The following GTF2E1 variants were observed in gnomAD, a reference collection of about 807,000 sequenced individuals.
GTF2E1 encodes the protein general transcription factor IIE subunit 1, also known as TFIIE alpha subunit.
In GTF2E1, 14 loss-of-function variants were observed where a neutral mutation model predicts 34.9. The ratio of observed to expected loss-of-function variants is 0.40; its 90% confidence interval spans 0.27 to 0.63. The LOEUF is 0.63. Ranked by LOEUF, GTF2E1 falls within the 20% of genes least tolerant of loss-of-function variation. GTF2E1 has a pLI of 0.39. For missense variants in GTF2E1, 469 were observed against 557.7 expected (o/e 0.84, Z 1.60); for synonymous variants, 188 against 192.9 (o/e 0.97, Z 0.21).
At chr3:120,749,465 A>G (rs1373188960) in intron 1 of GTF2E1, among the ~76,000 whole-genome samples, 7 of 151,998 alleles carry the variant, frequency 4.6e-5, no homozygotes, top group Admixed American at 6.6e-5. Flanking sequence ...TAGCATGAAG[A>G]GTTGTTGAAT....
At position 120,782,079 on chromosome 3, in the gene GTF2E1, C is replaced by T. The variant is rs1176523199; in HGVS notation, c.*609C>T. ...GTTCATAAGGTAAATCCTTCCCATC[C>T]ATCTGTTTACTACAATAGGTTACAA... On this transcript the variant is annotated 3_prime_UTR_variant, in exon 5 of 5. Transcript: ENST00000283875. 1 of 152,648 alleles carries T rather than the reference C, an allele frequency of 6.6e-6. No individual in the cohort carries two copies. Among genetic ancestry groups the T allele is most frequent in the Non-Finnish European group, 1.5e-5 (1 of 68,416 alleles). The allele number at this position is 152,648 out of a possible 1,614,324, so 9.5% of individuals were successfully genotyped here.
At chr3:120,756,958 CTT>C (rs2107607301) in intron 2 of GTF2E1, among the ~76,000 whole-genome samples, 1 of 152,200 alleles carries the variant, frequency 6.6e-6, no homozygotes, top group East Asian at 1.9e-4. Context: ...AAAAAACAAT[CTT>C]TTATCTTTTT....
intron 3 of GTF2E1, among the ~76,000 whole-genome samples, chr3:120,771,843 G>A (rs1484347983): frequency 6.6e-6 from 1 of 152,174 alleles, no homozygotes; most frequent in African/African-American, 2.4e-5. Flanking sequence ...CAGTTAGGAT[G>A]CCTTTGCCTG....
At chr3:120,780,309 A>G (rs1179662124) in intron 4 of GTF2E1, among the ~76,000 whole-genome samples, 4 of 152,304 alleles carry the variant, frequency 2.6e-5, no homozygotes, top group African/African-American at 7.2e-5. Context: ...GCTATGGGGG[A>G]AAAATAGAGC....
At chr3:120,760,133 G>C (rs1351141645) in intron 2 of GTF2E1, among the ~76,000 whole-genome samples, 1 of 152,078 alleles carries the variant, frequency 6.6e-6, no homozygotes, top group East Asian at 1.9e-4. Context: ...TGTAGTTCTT[G>C]AAGAGGTCCT....
intron 2 of GTF2E1, among the ~76,000 whole-genome samples, chr3:120,757,669 A>C (rs1709220247): frequency 6.6e-6 from 1 of 152,192 alleles, no homozygotes; most frequent in Non-Finnish European, 1.5e-5. Context: ...CTAAAAGGTG[A>C]CTTTTTGAGA....
rs1709456787 is a variant in GTF2E1 at position 120,782,479 on chromosome 3, G to A, written c.*1009G>A. The A allele has an allele frequency of 6.6e-6, 1 of 152,216 alleles. No homozygotes were observed. Among genetic ancestry groups the A allele is most frequent in the Non-Finnish European group, 1.5e-5 (1 of 68,040 alleles). The allele number at this position is 152,216 out of a possible 1,614,324, so 9.4% of individuals were successfully genotyped here. A position where few individuals can be genotyped will look rare whatever the true frequency, so the allele number is the denominator to read the frequency against. On this transcript the variant is annotated 3_prime_UTR_variant, in exon 5 of 5. Transcript: ENST00000283875. The stretch of plus-strand genomic sequence containing the variant: ...CCTTAGGAAGAAATTAGAAAAACAT[G>A]GACGTAAGACAAGAAGTCTCTGTGA...
In GTF2E1 at chr3:120,782,251, T is replaced by G. The variant is rs1178664004; in HGVS notation, c.*781T>G. 2 of 152,198 alleles carry G rather than the reference T, an allele frequency of 1.3e-5. No individual in the cohort carries two copies. The highest frequency in any genetic ancestry group is 4.8e-5 in the African/African-American group (2 of 41,454). 9.4% of individuals were successfully genotyped at this position (152,198 alleles called of 1,614,324 possible). ...AAATTTTGCTTAGAATTTGAGCATT[T>G]CCTCAAAATTGAGATGGATCAATAT... On this transcript the variant is annotated 3_prime_UTR_variant, in exon 5 of 5. Transcript: ENST00000283875.
Position 120,782,179 on chromosome 3 carries a change from A to T in GTF2E1, c.*709A>T, listed in dbSNP as rs1709454833. The T allele has an allele frequency of 6.6e-6, 1 of 152,140 alleles. No individual in the cohort carries two copies. The highest frequency in any genetic ancestry group is 2.1e-4 in the South Asian group (1 of 4,832). 9.4% of individuals were successfully genotyped at this position (152,140 alleles called of 1,614,324 possible). A position where few individuals can be genotyped will look rare whatever the true frequency, so the allele number is the denominator to read the frequency against. On this transcript the variant is annotated 3_prime_UTR_variant, in exon 5 of 5. Transcript: ENST00000283875. ...CAATTTCTTATACTGCTGCCCACCAAAGCAGCTTGCCAACAGTCAAATCAC... is the reference window on the plus strand; with the variant it reads ...CAATTTCTTATACTGCTGCCCACCATAGCAGCTTGCCAACAGTCAAATCAC...
intron 1 of GTF2E1, among the ~76,000 whole-genome samples, chr3:120,750,156 T>C (rs573801626): frequency 1.3e-5 from 2 of 152,346 alleles, no homozygotes; most frequent in South Asian, 2.1e-4. Flanking sequence ...TTTTAGGAAA[T>C]GCGAACTGCT....
chr3:120,776,794 A>C, intron 4 of GTF2E1, 130 bp downstream of exon 4: 1 of 747,264 alleles, frequency 1.3e-6, no homozygotes, highest in South Asian at 2.2e-5. Flanking sequence ...ATTAGGAAGT[A>C]AGAAATTGAA....
chr3:120,768,251 G>A (rs1338514566), intron 2 of GTF2E1, among the ~76,000 whole-genome samples: 2 of 152,126 alleles, frequency 1.3e-5, no homozygotes, highest in Non-Finnish European at 2.9e-5. Flanking sequence ...GGCCTTACTG[G>A]TGGCTTCTGA....
At chr3:120,768,769 C>CT (rs1289590911) in intron 2 of GTF2E1, among the ~76,000 whole-genome samples, 1 of 152,200 alleles carries the variant, frequency 6.6e-6, no homozygotes, top group Non-Finnish European at 1.5e-5. Flanking sequence ...AGAGAAGAGG[C>CT]TGAGACAGCT....
intron 1 of GTF2E1, among the ~76,000 whole-genome samples, chr3:120,744,274 C>T (rs1709085667): frequency 6.6e-6 from 1 of 152,124 alleles, no homozygotes; most frequent in African/African-American, 2.4e-5. Flanking sequence ...GAACTCTTAC[C>T]TAAGACCTCT....
intron 3 of GTF2E1, 130 bp from the exon 4 acceptor site, chr3:120,776,293 C>G (rs142291949): frequency 3.9e-6 from 3 of 771,962 alleles, no homozygotes; most frequent in Non-Finnish European, 6.4e-6. Context: ...ATTGTTAAAG[C>G]ATGTGTGCAT....
chr3:120,751,034 A>G (rs1200735782), intron 2 of GTF2E1, 34 bp downstream of exon 2: 1 of 1,359,142 alleles, frequency 7.4e-7, no homozygotes, highest in East Asian at 2.3e-5. Context: ...TCTTTAAAAT[A>G]AAGTGTGTAT....
chr3:120,769,377 T>C (rs9878220), intron 2 of GTF2E1, among the ~76,000 whole-genome samples: 2 of 152,132 alleles, frequency 1.3e-5, no homozygotes, highest in African/African-American at 2.4e-5. Context: ...CCACATACCA[T>C]GGGGAAACCA....
chr3:120,752,667 C>A (rs1709175919), intron 2 of GTF2E1, among the ~76,000 whole-genome samples: 1 of 152,126 alleles, frequency 6.6e-6, no homozygotes, highest in Non-Finnish European at 1.5e-5. Flanking sequence ...GAAGAGATGG[C>A]CTAACATTCC....
intron 2 of GTF2E1, among the ~76,000 whole-genome samples, chr3:120,755,427 C>T (rs1289939210): frequency 6.6e-6 from 1 of 152,046 alleles, no homozygotes; most frequent in Non-Finnish European, 1.5e-5. Context: ...GGGCAGGCTG[C>T]TTTTTCCTGT....
Sources: allele counts gnomAD v4.1 joint callset (sites outside exome capture counted in the v4.1 genomes callset), GRCh38; gene constraint gnomAD v4.1.1; transcripts MANE v1.5; gene names NCBI Gene and HGNC (gene_info 2026-07-23, HGNC 2026-07-21).